The following ASB1 variants were observed in gnomAD, a reference collection of about 807,000 sequenced individuals.
The protein encoded by ASB1 is ankyrin repeat and SOCS box protein 1.
ASB1 carries 18 observed loss-of-function variants against 27.7 expected under a neutral mutation model. The observed-to-expected ratio is 0.65, with a 90% CI of 0.45 to 0.96. ASB1 has a LOEUF of 0.96. Among genes scored for constraint, ASB1 ranks in the 50% least tolerant of loss-of-function variants. The pLI, the probability that ASB1 is intolerant of heterozygous loss-of-function variation, is 0.00. For missense variants in ASB1, 397 were observed against 451.7 expected (o/e 0.88, Z 1.10); for synonymous variants, 189 against 187.6 (o/e 1.01, Z -0.06).
At chr2:238,443,611 C>T (rs2106409568) in intron 3 of ASB1, among the ~76,000 whole-genome samples, 1 of 152,300 alleles carries the variant, frequency 6.6e-6, no homozygotes, top group Non-Finnish European at 1.5e-5. Flanking sequence ...TCTAGCCTTT[C>T]CCTGTTAAAT....
At chr2:238,440,730 G>A (rs1702063559) in intron 3 of ASB1, among the ~76,000 whole-genome samples, 1 of 152,222 alleles carries the variant, frequency 6.6e-6, no homozygotes, top group Non-Finnish European at 1.5e-5. Flanking sequence ...CGTATATTTG[G>A]TCATCTCTGA....
In ASB1 at chr2:238,426,936, G is replaced by A. The variant is rs1574998362; in HGVS notation, c.-135G>A. On this transcript the variant is annotated 5_prime_UTR_variant, in exon 1 of 5. Coordinates refer to ENST00000264607, the MANE Select transcript of ASB1 (RefSeq NM_001040445.3). ...CGCGGCCCCGGAAACCAGTGAGGCC[G>A]GCGCGCGCCCGCCGGAAGCCGCGAC... 1 of 606,312 alleles carries A rather than the reference G, an allele frequency of 1.6e-6. No individual in the cohort carries two copies. Among genetic ancestry groups the A allele is most frequent in the Non-Finnish European group, 2.4e-6 (1 of 422,790 alleles). The allele number at this position is 606,312 out of a possible 1,614,324, so 37.6% of individuals were successfully genotyped here.
chr2:238,444,562 G>A lies in ASB1; in HGVS notation c.715G>A (p.Val239Ile), dbSNP rs1412443676. The A allele has an allele frequency of 1.2e-6, 2 of 1,614,182 alleles. No homozygotes were observed. The highest frequency in any genetic ancestry group is 2.2e-5 in the East Asian group (1 of 44,880). The change falls in exon 4 of 5, where the codon GTC becomes ATC. Residue 239 changes from valine to isoleucine, a missense_variant. Physicochemically the swap from Val to Ile is conservative, Grantham distance 29. Coordinates refer to ENST00000264607, the MANE Select transcript of ASB1 (RefSeq NM_001040445.3). ...ATTCTACAGGGGCTCCCCTGGGTGC[G>A]TCATGGATGCTGTTCTGCGCCACGG... ...QGFYRGSPGC[V>I]MDAVLRHGCE...
intron 1 of ASB1, 78 bp from the exon 2 acceptor site, chr2:238,433,476 C>T (rs1397592162): frequency 1.5e-5 from 23 of 1,542,494 alleles, no homozygotes; most frequent in South Asian, 2.4e-5. Context: ...AGGGAAGGCT[C>T]GCTGCAGATG....
At chr2:238,445,305 CTCTGA>C (rs1351658117) in intron 4 of ASB1, among the ~76,000 whole-genome samples, 1 of 152,268 alleles carries the variant, frequency 6.6e-6, no homozygotes, top group African/African-American at 2.4e-5. Context: ...TATCCTTTTG[CTCTGA>C]CCTGTGGCCC....
At chr2:238,441,858 G>T (rs1702084126) in intron 3 of ASB1, among the ~76,000 whole-genome samples, 1 of 152,234 alleles carries the variant, frequency 6.6e-6, no homozygotes, top group South Asian at 2.1e-4. Context: ...TGATTGATGG[G>T]TCAAAGGGTA....
chr2:238,440,610 G>T (rs1394985814), intron 3 of ASB1, among the ~76,000 whole-genome samples: 1 of 152,162 alleles, frequency 6.6e-6, no homozygotes, highest in Non-Finnish European at 1.5e-5. Context: ...CACCTTGTCA[G>T]GACTCTGACT....
At chr2:238,429,541 CTG>C (rs1701826875) in intron 1 of ASB1, among the ~76,000 whole-genome samples, 1 of 152,102 alleles carries the variant, frequency 6.6e-6, no homozygotes, top group Admixed American at 6.5e-5. Flanking sequence ...TTCCAGAACA[CTG>C]TAATAAAGTG....
intron 3 of ASB1, among the ~76,000 whole-genome samples, chr2:238,441,316 G>A (rs1702074143): frequency 6.6e-6 from 1 of 152,006 alleles, no homozygotes; most frequent in African/African-American, 2.4e-5. Flanking sequence ...TGTATTTTTA[G>A]TAGAGACGGG....
intron 1 of ASB1, among the ~76,000 whole-genome samples, chr2:238,429,442 GC>G (rs1701825529): frequency 6.6e-6 from 1 of 152,184 alleles, no homozygotes; most frequent in African/African-American, 2.4e-5. Flanking sequence ...TTGTACAAAT[GC>G]TGTTTGTTGA....
intron 3 of ASB1, among the ~76,000 whole-genome samples, chr2:238,440,742 T>A (rs1156901530): frequency 6.6e-6 from 1 of 152,212 alleles, no homozygotes; most frequent in Non-Finnish European, 1.5e-5. Flanking sequence ...CATCTCTGAG[T>A]ACAGTGACAA....
In ASB1 at chr2:238,447,513, C is replaced by T. The variant is rs1156611930; in HGVS notation, c.*1002C>T. 1.3e-5 allele frequency: 2 copies of T among 152,264 alleles called. No individual in the cohort carries two copies. The highest frequency in any genetic ancestry group is 4.8e-5 in the African/African-American group (2 of 41,450). 9.4% of individuals were successfully genotyped at this position (152,264 alleles called of 1,614,324 possible). A position where few individuals can be genotyped will look rare whatever the true frequency, so the allele number is the denominator to read the frequency against. Reference sequence around the variant, plus strand: ...AAGTCTTTCCCGGGAGAGAGATGGCCTGGGTTATCATTGCTGATAGCTTTG... The same window carrying T: ...AAGTCTTTCCCGGGAGAGAGATGGCTTGGGTTATCATTGCTGATAGCTTTG... On this transcript the variant is annotated 3_prime_UTR_variant, in exon 5 of 5. Transcript: ENST00000264607.
intron 1 of ASB1, among the ~76,000 whole-genome samples, chr2:238,428,164 A>G (rs1444007091): frequency 6.6e-6 from 1 of 152,254 alleles, no homozygotes; most frequent in African/African-American, 2.4e-5. Context: ...CTTAGGGTCT[A>G]GGATGTCATC....
At chr2:238,432,293 A>G (rs1206462633) in intron 1 of ASB1, among the ~76,000 whole-genome samples, 2 of 152,226 alleles carry the variant, frequency 1.3e-5, no homozygotes, top group Admixed American at 1.3e-4. Context: ...TCCCAAAGAA[A>G]TGGGTCACGC....
chr2:238,427,150 G>A, intron 1 of ASB1, 31 bp downstream of exon 1: 1 of 1,233,482 alleles, frequency 8.1e-7, no homozygotes, highest in Non-Finnish European at 1.0e-6. Context: ...GGGCCGCGGG[G>A]CGTGTGGGGA....
intron 4 of ASB1, 21 bp from the exon 5 acceptor site, chr2:238,446,363 C>G (rs757048317): frequency 1.3e-6 from 2 of 1,571,798 alleles, no homozygotes; most frequent in Non-Finnish European, 1.7e-6. Context: ...CTATCCCTCT[C>G]TTTCTTCCCA....
At chr2:238,444,173 T>C (rs1405876586) in intron 3 of ASB1, among the ~76,000 whole-genome samples, 169 bp from the exon 4 acceptor site, 7 of 152,236 alleles carry the variant, frequency 4.6e-5, no homozygotes, top group Admixed American at 4.6e-4. Context: ...TGCTACCTTA[T>C]CTTGCTGAAC....
In ASB1 at chr2:238,433,643, G is replaced by T. The variant is rs781404106; in HGVS notation, c.139G>T (p.Val47Phe). The part of the protein sequence containing the change: ...EDTRLHDAAY[V>F]GDLQTLRSLL... ...CACGAGGCTCCATGATGCAGCTTAC[G>T]TCGGGGACCTCCAGACCCTCAGGAG... The change falls in exon 2 of 5, where the codon GTC becomes TTC. Residue 47 changes from valine to phenylalanine, a missense_variant. Transcript: ENST00000264607. The T allele has an allele frequency of 1.2e-6, 2 of 1,614,012 alleles. No individual in the cohort carries two copies. The highest frequency in any genetic ancestry group is 2.7e-5 in the African/African-American group (2 of 74,920).
In ASB1 at chr2:238,445,992, G is replaced by A. The variant is rs74818733; in HGVS notation, c.881-392G>A. Among the ~76,000 whole-genome samples, 334 of 152,350 alleles carry A rather than the reference G, an allele frequency of 2.2e-3. 3 individuals carry two copies. The highest frequency in any genetic ancestry group is 4.1e-3 in the Non-Finnish European group (279 of 68,032). On this transcript the variant is annotated intron_variant, in intron 4 of 4. Coordinates refer to ENST00000264607, the MANE Select transcript of ASB1 (RefSeq NM_001040445.3). ...CCTGTGTTCCCCAGGCACTGGTGGA[G>A]CTTCAGGGATTGACTAAGGGAAGGG...
Sources: allele counts gnomAD v4.1 joint callset (sites outside exome capture counted in the v4.1 genomes callset), GRCh38; gene constraint gnomAD v4.1.1; transcripts MANE v1.5; gene names NCBI Gene and HGNC (gene_info 2026-07-23, HGNC 2026-07-21).